Variants in DUSP15 observed in about 807,000 individuals in gnomAD.
DUSP15 encodes dual specificity protein phosphatase 15.
A neutral mutation model predicts 26.3 loss-of-function variants in DUSP15; 23 were observed. The observed-to-expected ratio is 0.87, with a 90% CI of 0.63 to 1.24. The LOEUF (loss-of-function observed/expected upper bound fraction) is 1.24, where lower values mean the gene tolerates loss of function less well. DUSP15 is among the 50% of genes most tolerant of loss of function. The probability of loss-of-function intolerance (pLI) is 0.00; values close to 1 mark genes in which losing one functional copy is unlikely to be tolerated. For synonymous variants in DUSP15, 143 were observed against 135.5 expected (o/e 1.06, Z -0.39); for missense variants, 364 against 320.6 (o/e 1.14, Z -1.03).
In DUSP15 at chr20:31,861,352, GC is replaced by G. The variant is rs957804295; in HGVS notation, c.*50del. The G allele has an allele frequency of 4.8e-6, 7 of 1,459,902 alleles. No homozygotes were observed. In the African/African-American group the frequency reaches 5.8e-5, roughly 12 times the overall value. The allele number at this position is 1,459,902 out of a possible 1,614,324, so 90.4% of individuals were successfully genotyped here. On this transcript the variant is annotated 3_prime_UTR_variant, in exon 7 of 7. Transcript: ENST00000339738. Reference sequence around the variant, plus strand: ...CTGGGGGGCGTGGAAGGCGCAGACAGCCCCCGAAGGGAGCCAGTCGGAAGTG... The same window carrying G: ...CTGGGGGGCGTGGAAGGCGCAGACAGCCCCGAAGGGAGCCAGTCGGAAGTG...
chr20:31,849,879 G>A, intron 7 of DUSP15: 2 of 1,490,190 alleles, frequency 1.3e-6, no homozygotes, highest in Non-Finnish European at 1.8e-6. Context: ...AGCAGGCTGT[G>A]GGGCGAGAGA....
downstream of DUSP15, among the ~76,000 whole-genome samples, chr20:31,846,177 CAT>C (rs1169133650): frequency 5.3e-5 from 8 of 149,772 alleles, no homozygotes; most frequent in East Asian, 1.6e-3. Context: ...CACACACACA[CAT>C]ATACACAGAG....
intron 5 of DUSP15, 43 bp from the exon 6 acceptor site, chr20:31,862,785 T>C (rs368589063): frequency 1.3e-5 from 20 of 1,543,308 alleles, no homozygotes; most frequent in Non-Finnish European, 1.6e-5. Flanking sequence ...TAAGATCCAA[T>C]GTCCTCCATG....
At position 31,861,386 on chromosome 20, in the gene DUSP15, A is replaced by G; in HGVS notation, c.*17T>C. The stretch of plus-strand genomic sequence containing the variant: ...GGGAGCCAGTCGGAAGTGGGGAGCC[A>G]CGGCTGGACTGCATCCTCACTTGCC... On this transcript the variant is annotated 3_prime_UTR_variant, in exon 7 of 7. Transcript: ENST00000339738. The G allele has an allele frequency of 1.3e-6, 2 of 1,524,982 alleles. No individual in the cohort carries two copies. The highest frequency in any genetic ancestry group is 2.4e-5 in the South Asian group (2 of 81,634). The allele number at this position is 1,524,982 out of a possible 1,614,324, so 94.5% of individuals were successfully genotyped here.
rs1312113533 is a variant in DUSP15 at position 31,863,919 on chromosome 20, C to T, written c.251G>A (p.Cys84Tyr). ...CCGCTTAACTCACCAGTGCACAAGG[C>T]AGTTCCCCCCATTAAGGCGGCAGCA... is the stretch of plus-strand genomic sequence containing the variant. Reference protein sequence around the residue: ...IHCCRLNGGNCLVHCFAGISR... With the variant: ...IHCCRLNGGNYLVHCFAGISR... The change falls in exon 5 of 7, where the codon TGC (cysteine) becomes TAC (tyrosine). Residue 84 changes from cysteine to tyrosine, a missense_variant. Physicochemically the swap from Cys to Tyr is radical, Grantham distance 194 (BLOSUM62 -2). Coordinates refer to ENST00000339738, the MANE Select transcript of DUSP15 (RefSeq NM_080611.5). 1.2e-6 allele frequency: 2 copies of T among 1,613,944 alleles called. No individual in the cohort carries two copies. The highest frequency in any genetic ancestry group is 1.7e-6 in the Non-Finnish European group (2 of 1,179,968).
chr20:31,869,392 C>A (rs1223818163), intron 2 of DUSP15, among the ~76,000 whole-genome samples, 172 bp downstream of exon 2: 1 of 152,336 alleles, frequency 6.6e-6, no homozygotes, highest in Middle Eastern at 3.4e-3. Flanking sequence ...TGGGGACACT[C>A]GCCTGCATGT....
At chr20:31,846,441 ATAG>A (rs1224418519), downstream of DUSP15, among the ~76,000 whole-genome samples, 4 of 97,416 alleles carry the variant, frequency 4.1e-5, no homozygotes, top group Non-Finnish European at 7.9e-5. Context: ...AAAGGAATGA[ATAG>A]AGAGAGAGAG....
chr20:31,849,894 G>C, intron 7 of DUSP15: 1 of 1,473,374 alleles, frequency 6.8e-7, no homozygotes, highest in Non-Finnish European at 8.9e-7. Context: ...GAGAGAGGGT[G>C]CACGGGCTGG....
At chr20:31,858,773 T>C (rs529231800), downstream of DUSP15, among the ~76,000 whole-genome samples, 1 of 152,290 alleles carries the variant, frequency 6.6e-6, no homozygotes, top group East Asian at 1.9e-4. This position sits in a 1 kb window ranked among gnomAD's most constrained non-coding sequence, Gnocchi z 4.4. Context: ...GGCACAGGGA[T>C]TCTCAAACTA....
intron 3 of DUSP15, 95 bp from the exon 4 acceptor site, chr20:31,865,097 G>T: frequency 1.5e-6 from 2 of 1,368,760 alleles, no homozygotes; most frequent in Non-Finnish European, 2.1e-6. Context: ...CCCCAGCCCA[G>T]TTCCTGCCCT....
chr20:31,847,245 G>T (rs1266402515), downstream of DUSP15, among the ~76,000 whole-genome samples: 1 of 152,228 alleles, frequency 6.6e-6, no homozygotes, highest in Non-Finnish European at 1.5e-5. Flanking sequence ...CATCTAGTGA[G>T]TGACAAAGCT....
chr20:31,851,585 G>A (rs1346325138), intron 6 of DUSP15, among the ~76,000 whole-genome samples: 1 of 152,104 alleles, frequency 6.6e-6, no homozygotes, highest in Non-Finnish European at 1.5e-5. Context: ...CTGCAGGAGA[G>A]GTAGAAAAAG....
chr20:31,857,368 A>G (rs1295248140), downstream of DUSP15, among the ~76,000 whole-genome samples: 3 of 150,946 alleles, frequency 2.0e-5, no homozygotes, highest in Non-Finnish European at 4.4e-5. Flanking sequence ...TGTTGCCCAG[A>G]CTGGTCTCGA....
At chr20:31,868,870 A>T (rs538986373) in intron 2 of DUSP15, among the ~76,000 whole-genome samples, 1 of 152,346 alleles carries the variant, frequency 6.6e-6, no homozygotes, top group Admixed American at 6.5e-5. Flanking sequence ...CCCCTGAAGA[A>T]CAAGGTATCT....
intron 6 of DUSP15, among the ~76,000 whole-genome samples, chr20:31,853,708 C>T (rs2062512995): frequency 6.6e-6 from 1 of 151,232 alleles, no homozygotes; most frequent in African/African-American, 2.4e-5. Context: ...TTCGAGTGAT[C>T]CTCCCACCTC....
chr20:31,860,693 G>C (rs2062630321), downstream of DUSP15, among the ~76,000 whole-genome samples: 1 of 152,260 alleles, frequency 6.6e-6, no homozygotes, highest in Admixed American at 6.5e-5. Context: ...TCAGGATGAG[G>C]GAGGCGCTAC....
chr20:31,846,442 TAGAGAGAGAGAGAG>T (rs71185371), downstream of DUSP15, among the ~76,000 whole-genome samples: 8 of 107,866 alleles, frequency 7.4e-5, no homozygotes, highest in Admixed American at 5.3e-4. Context: ...AAGGAATGAA[TAGAGAGAGAGAGAG>T]AGAGAGAGAG....
intron 5 of DUSP15, among the ~76,000 whole-genome samples, chr20:31,863,303 G>A (rs1688755986): frequency 6.6e-6 from 1 of 152,212 alleles, no homozygotes; most frequent in African/African-American, 2.4e-5. Context: ...TGAGGCATAA[G>A]CCTCGTAGAT....
At chr20:31,864,090 C>G in intron 4 of DUSP15, 109 bp from the exon 5 acceptor site, 1 of 1,544,840 alleles carries the variant, frequency 6.5e-7, no homozygotes, top group African/African-American at 1.4e-5. Flanking sequence ...CCCTGGGGTC[C>G]CCAGGTCAGC....
Sources: gnomAD v4.1 joint callset for allele counts (sites outside exome capture counted in the v4.1 genomes callset) on GRCh38, gnomAD v4.1.1 for gene constraint, Gnocchi (gnomAD v3.1) non-coding constraint, MANE v1.5 for transcripts, NCBI Gene and HGNC (gene_info 2026-07-23, HGNC 2026-07-21) for gene names.